DAB1: variants seen among roughly 807,000 people sequenced by gnomAD.
DAB1 encodes the protein disabled homolog 1.
A neutral mutation model predicts 64.6 loss-of-function variants in DAB1; 15 were observed. That is an observed-to-expected ratio of 0.23 (90% CI 0.16 to 0.36). The LOEUF is 0.36. Among genes scored for constraint, DAB1 ranks in the 10% least tolerant of loss-of-function variants. The pLI is 1.00. For synonymous variants in DAB1, 235 were observed against 251.9 expected, an observed-to-expected ratio of 0.93 and a Z score of 0.64; for missense variants, 596 against 706.7, an observed-to-expected ratio of 0.84 and a Z score of 1.78.
chr1:57,289,681 G>A (rs1438917096), intron 2 of DAB1, among the ~76,000 whole-genome samples: 2 of 152,134 alleles, frequency 1.3e-5, no homozygotes, highest in African/African-American at 2.4e-5. Flanking sequence ...ACATAACTGG[G>A]CAGGCACAAC....
At chr1:57,340,380 TGAG>T (rs369430922) in intron 1 of DAB1, among the ~76,000 whole-genome samples, 74 of 152,336 alleles carry the variant, frequency 4.9e-4, no homozygotes, top group African/African-American at 1.8e-3. Flanking sequence ...CTGGATCTAA[TGAG>T]GAGAAGACAG....
chr1:57,796,704 C>T (rs1650890746), intron 6 of DAB1, among the ~76,000 whole-genome samples: 1 of 152,130 alleles, frequency 6.6e-6, no homozygotes, highest in Non-Finnish European at 1.5e-5. Context: ...GTGTAGCAGC[C>T]TCTACCTGCT....
intron 4 of DAB1, among the ~76,000 whole-genome samples, chr1:57,101,357 A>G (rs1035440586): frequency 6.6e-6 from 1 of 152,268 alleles, no homozygotes; most frequent in Non-Finnish European, 1.5e-5. Flanking sequence ...TGTTACATTA[A>G]TTAGTCACCC....
intron 5 of DAB1, among the ~76,000 whole-genome samples, chr1:57,988,435 G>A (rs564052764): frequency 2.6e-5 from 4 of 152,168 alleles, no homozygotes; most frequent in African/African-American, 9.7e-5. Flanking sequence ...GGATTCGAAG[G>A]TTTCAAATGA....
At chr1:58,059,443 T>C (rs1648351575) in intron 5 of DAB1, among the ~76,000 whole-genome samples, 1 of 152,238 alleles carries the variant, frequency 6.6e-6, no homozygotes, top group African/African-American at 2.4e-5. Flanking sequence ...CAGTAACAAC[T>C]CAATAAACAT....
chr1:57,725,615 A>G (rs1450327278), intron 6 of DAB1, among the ~76,000 whole-genome samples: 4 of 152,350 alleles, frequency 2.6e-5, no homozygotes, highest in Admixed American at 2.0e-4. Flanking sequence ...GGAACATTGT[A>G]TCAGATAAGG....
At chr1:57,230,460 A>G (rs896493927) in intron 2 of DAB1, among the ~76,000 whole-genome samples, 1 of 152,176 alleles carries the variant, frequency 6.6e-6, no homozygotes, top group Non-Finnish European at 1.5e-5. Flanking sequence ...GTTATATAGT[A>G]ACAAACAAAC....
chr1:58,082,364 G>A (rs754487785), intron 5 of DAB1, among the ~76,000 whole-genome samples: 1 of 151,024 alleles, frequency 6.6e-6, no homozygotes, highest in African/African-American at 2.4e-5. Flanking sequence ...AATTCAATAA[G>A]CATTAAATGA....
intron 1 of DAB1, among the ~76,000 whole-genome samples, chr1:57,296,856 T>C (rs1040933006): frequency 2.0e-5 from 3 of 152,128 alleles, no homozygotes; most frequent in Non-Finnish European, 4.4e-5. Flanking sequence ...GCAAGAATCA[T>C]CAACAGATGC....
intron 4 of DAB1, among the ~76,000 whole-genome samples, chr1:58,301,582 CA>C (rs1384305158): frequency 2.0e-5 from 3 of 152,170 alleles, no homozygotes; most frequent in East Asian, 3.9e-4. Flanking sequence ...CCAGGGAAGC[CA>C]AAAGATTGGA....
chr1:57,584,485 T>A (rs1368765014), intron 7 of DAB1, among the ~76,000 whole-genome samples: 1 of 152,188 alleles, frequency 6.6e-6, no homozygotes, highest in Admixed American at 6.5e-5. Flanking sequence ...AGCTGAAATC[T>A]TTGGTCCTAG....
chr1:57,779,733 G>C (rs1649976583), intron 6 of DAB1, among the ~76,000 whole-genome samples: 1 of 152,122 alleles, frequency 6.6e-6, no homozygotes, highest in African/African-American at 2.4e-5. Flanking sequence ...AAGTAACTGT[G>C]GCTGTTTCTT....
At chr1:57,455,176 A>G (rs1169370659) in intron 7 of DAB1, among the ~76,000 whole-genome samples, 2 of 152,186 alleles carry the variant, frequency 1.3e-5, no homozygotes, top group Non-Finnish European at 2.9e-5. Flanking sequence ...CTTTGCATGT[A>G]AGTAATTATG....
intron 2 of DAB1, among the ~76,000 whole-genome samples, chr1:57,279,802 A>G (rs1671746147): frequency 6.6e-6 from 1 of 152,230 alleles, no homozygotes; most frequent in African/African-American, 2.4e-5. Flanking sequence ...TCATGTGGAG[A>G]CTTGTGCATG....
chr1:58,254,055 G>A (rs899839289), intron 4 of DAB1, among the ~76,000 whole-genome samples: 12 of 152,114 alleles, frequency 7.9e-5, no homozygotes, highest in African/African-American at 2.9e-4. Flanking sequence ...AAGCCCTAGA[G>A]TAACTTATAA....
intron 4 of DAB1, among the ~76,000 whole-genome samples, chr1:57,111,613 C>G (rs1325396074): frequency 1.3e-5 from 2 of 152,154 alleles, no homozygotes; most frequent in Non-Finnish European, 2.9e-5. Flanking sequence ...CCATCCCTGT[C>G]TCATCCCATC....
At chr1:58,510,734 A>C (rs936516019) in intron 2 of DAB1, among the ~76,000 whole-genome samples, 11 of 152,006 alleles carry the variant, frequency 7.2e-5, no homozygotes, top group African/African-American at 2.4e-4. Context: ...CTCCACACAC[A>C]CAAAAAAAAA....
chr1:57,201,689 T>C lies in DAB1; in HGVS notation c.68-56260A>G, dbSNP rs774018068. On this transcript the variant is annotated intron_variant, in intron 2 of 14. Coordinates refer to ENST00000371236, the MANE Select transcript of DAB1 (RefSeq NM_001365792.1). ...AAGGAGCTTCCGTTCTAGTGGAACA[T>C]AGTATTTTCTCCCAAAGCTCTTATA... 1.5e-3 allele frequency among the ~76,000 whole-genome samples: 232 copies of C among 152,180 alleles called. 1 individual carries two copies. Among genetic ancestry groups the C allele is most frequent in the Non-Finnish European group, 1.8e-3 (119 of 67,994 alleles).
chr1:58,295,718 A>T (rs574919486), intron 4 of DAB1, among the ~76,000 whole-genome samples: 1 of 152,192 alleles, frequency 6.6e-6, no homozygotes, highest in East Asian at 1.9e-4. Context: ...GGCTCTATAG[A>T]TGTGTGTTGA....
Sources: allele counts gnomAD v4.1 joint callset (sites outside exome capture counted in the v4.1 genomes callset), GRCh38; gene constraint gnomAD v4.1.1; transcripts MANE v1.5; gene names NCBI Gene and HGNC (gene_info 2026-07-23, HGNC 2026-07-21).